UGT2A1: variants seen among roughly 807,000 people sequenced by gnomAD.
UGT2A1 encodes UDP-glucuronosyltransferase 2A1.
In UGT2A1, 61 loss-of-function variants were observed where a neutral mutation model predicts 45.4. The ratio of observed to expected loss-of-function variants is 1.34; its 90% CI spans 1.09 to 1.66. The LOEUF is 1.66. Among genes scored for constraint, UGT2A1 ranks in the 40% most tolerant of loss-of-function variants. The probability of loss-of-function intolerance (pLI) is 0.00; values close to 1 mark genes in which losing one functional copy is unlikely to be tolerated. For missense variants in UGT2A1, 649 were observed against 574.3 expected (o/e 1.13, Z -1.33); for synonymous variants, 229 against 196.2 (o/e 1.17, Z -1.40).
intron 2 of UGT2A1, among the ~76,000 whole-genome samples, chr4:69,640,600 C>A (rs1722000252): frequency 6.6e-6 from 1 of 151,650 alleles, no homozygotes; most frequent in South Asian, 2.1e-4. Flanking sequence ...GAAATAAGAA[C>A]AAATAGAGTG....
At chr4:69,618,149 G>A (rs1314896963) in intron 3 of UGT2A1, among the ~76,000 whole-genome samples, 2 of 151,226 alleles carry the variant, frequency 1.3e-5, no homozygotes, top group East Asian at 3.9e-4. Flanking sequence ...ATAATTCTAT[G>A]AGAAAATATT....
chr4:69,596,165 A>G lies in UGT2A1; in HGVS notation c.997-916T>C, dbSNP rs1718912889. On this transcript the variant is annotated intron_variant, in intron 4 of 6. Coordinates refer to ENST00000286604, the MANE Select transcript of UGT2A1 (RefSeq NM_001252275.3). ...GATACTCAGTGTATAATGAGTTTTGATTTTCATATGGAAAGAACATTACTA... is the reference window on the plus strand; with the variant it reads ...GATACTCAGTGTATAATGAGTTTTGGTTTTCATATGGAAAGAACATTACTA... The G allele has an allele frequency of 4.4e-6, 6 of 1,368,888 alleles. No homozygotes were observed. The African/African-American group carries it at 5.9e-5, about 13-fold the overall frequency. 84.8% of individuals were successfully genotyped at this position (1,368,888 alleles called of 1,614,324 possible).
chr4:69,598,780 C>A (rs1391448264), intron 4 of UGT2A1, among the ~76,000 whole-genome samples: 1 of 152,010 alleles, frequency 6.6e-6, no homozygotes, highest in Non-Finnish European at 1.5e-5. Flanking sequence ...AAGATTAAAA[C>A]CTAAGAGCCC....
intron 6 of UGT2A1, among the ~76,000 whole-genome samples, chr4:69,593,890 G>T (rs1373211473): frequency 1.3e-5 from 2 of 149,946 alleles, no homozygotes; most frequent in Admixed American, 1.3e-4. Flanking sequence ...ATATTAAGCA[G>T]ATTATCCAGA....
intron 1 of UGT2A1, 58 bp from the exon 2 acceptor site, chr4:69,647,756 A>G (rs1560498790): frequency 2.7e-6 from 2 of 734,534 alleles, no homozygotes; most frequent in East Asian, 5.7e-5. Context: ...CAAACCATTA[A>G]TATCCTTAAA....
intron 3 of UGT2A1, among the ~76,000 whole-genome samples, chr4:69,628,454 G>A (rs1420591732): frequency 6.6e-6 from 1 of 151,554 alleles, no homozygotes. Context: ...ACCCATATAT[G>A]GTCAGCTGGT....
intron 4 of UGT2A1, among the ~76,000 whole-genome samples, chr4:69,599,001 G>C (rs2109889143): frequency 6.6e-6 from 1 of 152,202 alleles, no homozygotes; most frequent in South Asian, 2.1e-4. Context: ...CAGTATCAAG[G>C]TGTAGACACA....
chr4:69,638,840 T>G (rs1475737958), intron 2 of UGT2A1: 1 of 1,463,352 alleles, frequency 6.8e-7, no homozygotes, highest in Non-Finnish European at 9.0e-7. Context: ...GTTTGCCATA[T>G]GACAATAAGA....
chr4:69,635,076 C>A (rs1203038488), intron 3 of UGT2A1, among the ~76,000 whole-genome samples: 2 of 151,040 alleles, frequency 1.3e-5, no homozygotes, highest in African/African-American at 4.9e-5. Context: ...TCCTATCTAC[C>A]CCCTAAATAT....
chr4:69,589,384 T>G lies in UGT2A1; in HGVS notation c.1572A>C (p.Lys524Asn), dbSNP rs1375138393. The G allele has an allele frequency of 1.3e-5, 21 of 1,611,314 alleles. No individual in the cohort carries two copies. Among genetic ancestry groups the G allele is most frequent in the Non-Finnish European group, 1.8e-5 (21 of 1,178,732 alleles). The change falls in exon 7 of 7, where the codon AAA becomes AAC. Residue 524 changes from lysine (K) to asparagine (N), a missense_variant. By Grantham distance (94) the Lys-to-Asn change is moderately conservative. Coordinates refer to ENST00000286604, the MANE Select transcript of UGT2A1 (RefSeq NM_001252275.3). The part of the protein sequence containing the change: ...CQKFGKIGKK[K>N]KRE Reference sequence around the variant, plus strand: ...TCTTTTTCTTGACCTATTCTCTTTTTTTCTTCTTTCCTATCTTACCAAATT... The same window carrying G: ...TCTTTTTCTTGACCTATTCTCTTTTGTTCTTCTTTCCTATCTTACCAAATT...
At chr4:69,624,052 G>A (rs550677001) in intron 3 of UGT2A1, among the ~76,000 whole-genome samples, 4 of 151,438 alleles carry the variant, frequency 2.6e-5, no homozygotes, top group Non-Finnish European at 5.9e-5. Context: ...TTTTCTGTGT[G>A]CTTGTATTAT....
At chr4:69,620,326 C>G (rs1332227679) in intron 3 of UGT2A1, among the ~76,000 whole-genome samples, 1 of 151,914 alleles carries the variant, frequency 6.6e-6, no homozygotes, top group Non-Finnish European at 1.5e-5. Context: ...ACTGCCATTC[C>G]TATACACCAA....
chr4:69,643,045 A>G (rs1233305274), intron 2 of UGT2A1, among the ~76,000 whole-genome samples: 1 of 151,342 alleles, frequency 6.6e-6, no homozygotes, highest in Non-Finnish European at 1.5e-5. Flanking sequence ...AAACTGTGGA[A>G]CCCTTTACTT....
In UGT2A1 at chr4:69,602,514, C is replaced by A. The variant is rs531042075; in HGVS notation, c.848-3120G>T. Among the ~76,000 whole-genome samples the A allele has an allele frequency of 3.7e-4, 51 of 136,142 alleles. 8 individuals carry two copies. Among genetic ancestry groups the A allele is most frequent in the Non-Finnish European group, 6.9e-4 (44 of 64,090 alleles). 89.3% of individuals were successfully genotyped at this position (136,142 alleles called of 152,430 possible). A position where few individuals can be genotyped will look rare whatever the true frequency, so the allele number is the denominator to read the frequency against. On this transcript the variant is annotated intron_variant, in intron 3 of 6. Transcript: ENST00000286604. ...ATCTATCTATCTATCTATCTGATAT[C>A]ATGTTATGTAACAAATCCAAAACAA...
chr4:69,635,491 C>T (rs921028729), intron 3 of UGT2A1, among the ~76,000 whole-genome samples, 200 bp downstream of exon 3: 49 of 152,288 alleles, frequency 3.2e-4, no homozygotes, highest in African/African-American at 1.1e-3. Context: ...ACAGTGAGAA[C>T]TATCTATTTG....
In UGT2A1 at chr4:69,647,438, C is replaced by A. The variant is rs773315639; in HGVS notation, c.207G>T (p.Leu69=). Residue 69 remains leucine, a synonymous_variant, in exon 2 of 7, where the codon CTG becomes CTT. Coordinates refer to ENST00000286604, the MANE Select transcript of UGT2A1 (RefSeq NM_001252275.3). ...LFITPTSNPS[L]TFEIYKVPFG... The stretch of plus-strand genomic sequence containing the variant: ...AGGGCACCTTATATATTTCAAATGT[C>A]AGAGATGGGTTAGAGGTTGGTGTGA... 3 of 1,612,648 alleles carry A rather than the reference C, an allele frequency of 1.9e-6. No homozygotes were observed. The highest frequency in any genetic ancestry group is 1.7e-6 in the Non-Finnish European group (2 of 1,179,322).
At chr4:69,599,603 G>A in intron 3 of UGT2A1, 1 of 568,932 alleles carries the variant, frequency 1.8e-6, no homozygotes, top group South Asian at 4.7e-5. Context: ...AAGGAAGGAA[G>A]GGAGGAAGGG....
chr4:69,625,185 T>G (rs115472180), intron 3 of UGT2A1, among the ~76,000 whole-genome samples: 2,477 of 151,154 alleles, frequency 0.016, 74 homozygotes, highest in African/African-American at 0.057. Flanking sequence ...CTTTGCTAGA[T>G]GAAGTATTTT....
intron 3 of UGT2A1, among the ~76,000 whole-genome samples, chr4:69,614,244 C>T (rs1225880320): frequency 2.0e-5 from 3 of 151,776 alleles, no homozygotes; most frequent in South Asian, 4.2e-4. Context: ...AAATAAAATA[C>T]CTAAGAATAA....
Sources: allele counts gnomAD v4.1 joint callset (sites outside exome capture counted in the v4.1 genomes callset), GRCh38; gene constraint gnomAD v4.1.1; transcripts MANE v1.5; gene names NCBI Gene and HGNC (gene_info 2026-07-23, HGNC 2026-07-21).